Variants in NOS2 observed in about 807,000 individuals in gnomAD.
NOS2 encodes nitric oxide synthase, inducible.
Under a neutral mutation model 136.0 loss-of-function variants are expected in NOS2, and 96 were observed. That is an observed-to-expected ratio of 0.71 (90% CI 0.60 to 0.84). NOS2 has a LOEUF of 0.84. Ranked by LOEUF, NOS2 falls within the 40% of genes least tolerant of loss-of-function variation. The pLI, the probability that NOS2 is intolerant of heterozygous loss-of-function variation, is 0.00. For missense variants in NOS2, 1,237 were observed against 1,496.9 expected (o/e 0.83, Z 2.87); for synonymous variants, 539 against 587.5 (o/e 0.92, Z 1.20).
chr17:27,791,126 A>AT (rs922236733), intron 2 of NOS2, among the ~76,000 whole-genome samples: 6 of 152,186 alleles, frequency 3.9e-5, no homozygotes, highest in Non-Finnish European at 5.9e-5. Flanking sequence ...GCAGTAAGTG[A>AT]TTTTTTACTA....
chr17:27,776,919 G>A (rs1313218544), intron 11 of NOS2, among the ~76,000 whole-genome samples: 2 of 152,174 alleles, frequency 1.3e-5, no homozygotes, highest in African/African-American at 4.8e-5. Flanking sequence ...AGGGTGGTGA[G>A]GAAGTCCTGG....
intron 26 of NOS2, among the ~76,000 whole-genome samples, chr17:27,758,597 AG>A (rs1015490294): frequency 2.0e-5 from 3 of 152,146 alleles, no homozygotes; most frequent in African/African-American, 7.2e-5. Context: ...ACTTTCTGAA[AG>A]GGGGGTTTGG....
Position 27,778,779 on chromosome 17 carries a change from TC to T in NOS2, c.1191del (p.Arg398GlufsTer34). The T allele has an allele frequency of 6.2e-7, 1 of 1,614,140 alleles. No homozygotes were observed. The highest frequency in any genetic ancestry group is 8.5e-7 in the Non-Finnish European group (1 of 1,180,018). ...AGCTTGTGCGTTTCCAGGCCCATTCTCCTGCCCACTTCCTACAGAGGCAGAG... is the reference window on the plus strand; with the variant it reads ...AGCTTGTGCGTTTCCAGGCCCATTCTCTGCCCACTTCCTACAGAGGCAGAG... Reference protein sequence around the residue: ...QRYNILEEVGRRMGLETHKLA... With the variant: ...QRYNILEEVGXRMGLETHKLA... On this transcript the variant is annotated frameshift_variant, in exon 11 of 27. Coordinates refer to ENST00000313735, the MANE Select transcript of NOS2 (RefSeq NM_000625.4). LOFTEE classifies it high-confidence loss of function.
intron 2 of NOS2, among the ~76,000 whole-genome samples, chr17:27,792,491 C>G (rs1405666099): frequency 6.6e-6 from 1 of 152,140 alleles, no homozygotes; most frequent in East Asian, 1.9e-4. Flanking sequence ...AGTCCCCTCC[C>G]ACACCATTTC....
chr17:27,758,835 C>T (rs1397412520), intron 26 of NOS2, 46 bp downstream of exon 26: 4 of 1,331,264 alleles, frequency 3.0e-6, no homozygotes, highest in Middle Eastern at 2.7e-4. Flanking sequence ...CTCCAACGGC[C>T]TGTGCCCTTG....
intron 16 of NOS2, 139 bp downstream of exon 16, chr17:27,769,396 G>A (rs1229179481): frequency 2.5e-6 from 2 of 792,134 alleles, no homozygotes; most frequent in South Asian, 1.6e-5. Context: ...GACACATTCT[G>A]AGTACAGACC....
chr17:27,769,901 G>A (rs1305181151), intron 15 of NOS2, among the ~76,000 whole-genome samples: 5 of 152,110 alleles, frequency 3.3e-5, no homozygotes, highest in Non-Finnish European at 7.4e-5. Context: ...GAGGGGCTCC[G>A]AATGCGCCGT....
intron 5 of NOS2, among the ~76,000 whole-genome samples, chr17:27,785,725 A>G (rs1374022823): frequency 2.6e-5 from 4 of 152,102 alleles, no homozygotes; most frequent in Admixed American, 1.3e-4. Flanking sequence ...TGGGAGGCCA[A>G]GGCAGGAGGA....
At chr17:27,778,629 T>C (rs1908736482) in intron 11 of NOS2, 61 bp downstream of exon 11, 1 of 1,327,002 alleles carries the variant, frequency 7.5e-7, no homozygotes, top group Non-Finnish European at 1.1e-6. Flanking sequence ...ATCACATAAG[T>C]CACTGGATCA....
At chr17:27,782,648 G>A (rs147193701) in intron 6 of NOS2, among the ~76,000 whole-genome samples, 44 of 152,302 alleles carry the variant, frequency 2.9e-4, no homozygotes, top group African/African-American at 9.4e-4. Flanking sequence ...GCAGCACCAC[G>A]GCCTCAAGTG....
At chr17:27,771,105 T>G (rs1908481519) in intron 14 of NOS2, 88 bp from the exon 15 acceptor site, 1 of 913,760 alleles carries the variant, frequency 1.1e-6, no homozygotes, top group Non-Finnish European at 1.7e-6. Context: ...CCTCCCACAC[T>G]GCCCCCAGGC....
At chr17:27,775,415 T>C (rs959401970) in intron 11 of NOS2, among the ~76,000 whole-genome samples, 7 of 152,072 alleles carry the variant, frequency 4.6e-5, no homozygotes, top group Non-Finnish European at 1.0e-4. Context: ...CTGACCAACA[T>C]GGTGAAACCC....
intron 3 of NOS2, 147 bp downstream of exon 3, chr17:27,789,457 C>T (rs1026456465): frequency 6.1e-6 from 4 of 656,530 alleles, no homozygotes; most frequent in South Asian, 1.8e-5. Flanking sequence ...CCACCTGTTC[C>T]CCCCAACACC....
At chr17:27,789,418 TCTCA>T (rs1909122154) in intron 3 of NOS2, among the ~76,000 whole-genome samples, 182 bp downstream of exon 3, 1 of 152,296 alleles carries the variant, frequency 6.6e-6, no homozygotes, top group East Asian at 1.9e-4. Context: ...CTGGGGGTTG[TCTCA>T]CTCTCCCAAA....
intron 3 of NOS2, 21 bp downstream of exon 3, chr17:27,789,583 A>C: frequency 2.5e-6 from 4 of 1,588,116 alleles, no homozygotes; most frequent in Non-Finnish European, 3.5e-6. Flanking sequence ...GGGGCTTCCC[A>C]CACCCATGTG....
chr17:27,765,535 C>A lies in NOS2; in HGVS notation c.2428G>T (p.Gly810Cys). Residue 810 changes from glycine (G) to cysteine (C), a missense_variant and splice_region_variant, in exon 20 of 27, where the codon GGC becomes TGC. Gly to Cys is a radical substitution (Grantham distance 159). Coordinates refer to ENST00000313735, the MANE Select transcript of NOS2 (RefSeq NM_000625.4). ...ACTGGCTTTCTAGCCCGGGGCTCAC[C>A]ACTCTCATCCAGGGCCTCCAGGCGC... ...TVRLEALDES[G>C]SYWVSDKRLP... 1 of 1,594,412 alleles carries A rather than the reference C, an allele frequency of 6.3e-7. No individual in the cohort carries two copies. Among genetic ancestry groups the A allele is most frequent in the South Asian group, 1.1e-5 (1 of 87,812 alleles).
intron 6 of NOS2, 92 bp downstream of exon 6, chr17:27,782,852 G>T: frequency 7.8e-7 from 1 of 1,287,234 alleles, no homozygotes; most frequent in Non-Finnish European, 1.1e-6. Flanking sequence ...GTCCCAGGAG[G>T]CCTGGGCACA....
chr17:27,760,034 G>C lies in NOS2; in HGVS notation c.3155C>G (p.Pro1052Arg), dbSNP rs768573951. Residue 1052 changes from proline to arginine, a missense_variant, in exon 25 of 27, where the codon CCC (proline) becomes CGC (arginine). This residue lies in a region of NOS2 where 782 missense variants were observed against 909.9 expected (regional missense o/e 0.86). Coordinates refer to ENST00000313735, the MANE Select transcript of NOS2 (RefSeq NM_000625.4). ...HTAYSRLPGK[P>R]KVYVQDILRQ... Reference sequence around the variant, plus strand: ...CTGCTTTGAGGCTGCATTTACCTTGGGCTTGCCAGGCAGGCGGGAATAGGC... The same window carrying C: ...CTGCTTTGAGGCTGCATTTACCTTGCGCTTGCCAGGCAGGCGGGAATAGGC... 2.6e-6 allele frequency: 4 copies of C among 1,527,824 alleles called. No homozygotes were observed. The highest frequency in any genetic ancestry group is 3.5e-6 in the Non-Finnish European group (4 of 1,139,338). The allele number at this position is 1,527,824 out of a possible 1,614,324, so 94.6% of individuals were successfully genotyped here. A position where few individuals can be genotyped will look rare whatever the true frequency, so the allele number is the denominator to read the frequency against.
At chr17:27,768,352 C>T (rs2314809) in intron 17 of NOS2, among the ~76,000 whole-genome samples, 90,893 of 152,002 alleles carry the variant, frequency 0.6, 27,413 homozygotes, top group South Asian at 0.78. Context: ...TGCCCGACCA[C>T]TATGAATGCC....
Sources: allele counts gnomAD v4.1 joint callset (sites outside exome capture counted in the v4.1 genomes callset), GRCh38; gene constraint gnomAD v4.1.1; regional missense constraint gnomAD v4.1.1; transcripts MANE v1.5; gene names NCBI Gene and HGNC (gene_info 2026-07-23, HGNC 2026-07-21).